The following FAAH variants were observed in gnomAD, a reference collection of about 807,000 sequenced individuals.
FAAH encodes fatty-acid amide hydrolase 1.
Under a neutral mutation model 69.7 loss-of-function variants are expected in FAAH, and 63 were observed. The ratio of observed to expected loss-of-function variants is 0.90; its 90% CI spans 0.74 to 1.12. The LOEUF (loss-of-function observed/expected upper bound fraction) is 1.12. Among genes scored for constraint, FAAH ranks in the 50% most tolerant of loss-of-function variants. The pLI is 0.00. For missense variants in FAAH, 680 were observed against 755.0 expected (o/e 0.90, Z 1.16); for synonymous variants, 305 against 324.2 (o/e 0.94, Z 0.64).
At position 46,406,055 on chromosome 1, in the gene FAAH, G is replaced by A. The variant is rs776618353; in HGVS notation, c.803G>A (p.Gly268Asp). Residue 268 changes from glycine to aspartate, a missense_variant, in exon 6 of 15, where the codon GGC (glycine) becomes GAC (aspartate). Physicochemically the swap from Gly to Asp is moderately conservative, Grantham distance 94 (BLOSUM62 -1). Transcript: ENST00000243167. ...TTATCCAGCAAGAGTGGCCTGAAGG[G>A]CTGTGTCTATGGACAGGAGGCAGGT... The part of the protein sequence containing the change: ...GNRLSKSGLK[G>D]CVYGQEAVRL... 2.5e-6 allele frequency: 4 copies of A among 1,614,096 alleles called. No homozygotes were observed. In the African/African-American group the frequency reaches 4.0e-5, roughly 16 times the overall value.
rs1569824912 is a variant in FAAH at position 46,411,308 on chromosome 1, C to A, written c.1317-304C>A. Reference sequence around the variant, plus strand: ...TGACGTCCCATGGACTCACTCCTTCCCTTACCACCAGGCTTCAGGACTGGC... The same window carrying A: ...TGACGTCCCATGGACTCACTCCTTCACTTACCACCAGGCTTCAGGACTGGC... On this transcript the variant is annotated intron_variant, in intron 11 of 14. Coordinates refer to ENST00000243167, the MANE Select transcript of FAAH (RefSeq NM_001441.3). This position sits in a 1 kb window ranked among gnomAD's most constrained non-coding sequence, Gnocchi z 4.8. Among the ~76,000 whole-genome samples the A allele has an allele frequency of 6.6e-6, 1 of 152,330 alleles. No homozygotes were observed. The highest frequency in any genetic ancestry group is 1.9e-4 in the East Asian group (1 of 5,182).
Position 46,410,794 on chromosome 1 carries a change from C to T in FAAH, c.1276-20C>T. ...CGTGGCCCAGAGCTGAGTCACCGAC[C>T]CTGCGTCTGTCCTGTGCAGCTGCCA... On this transcript the variant is annotated intron_variant, in intron 10 of 14. Transcript: ENST00000243167. The surrounding 1 kb of genome is among the most constrained non-coding windows in gnomAD (Gnocchi z 4.9). The T allele has an allele frequency of 6.2e-7, 1 of 1,614,154 alleles. No individual in the cohort carries two copies. Among genetic ancestry groups the T allele is most frequent in the South Asian group, 1.1e-5 (1 of 91,076 alleles).
At chr1:46,403,642 C>A (rs1664742711) in intron 2 of FAAH, among the ~76,000 whole-genome samples, 1 of 152,244 alleles carries the variant, frequency 6.6e-6, no homozygotes, top group South Asian at 2.1e-4. Flanking sequence ...ACCTGGAAGG[C>A]TGTTTCCCTC....
At position 46,399,487 on chromosome 1, in the gene FAAH, T is replaced by C. The variant is rs372129914; in HGVS notation, c.196-2604T>C. Reference sequence around the variant, plus strand: ...CATTAACTGTCAACAGGCAAGAACATAGGAAAGAATGAAAATGTGTGCTGA... The same window carrying C: ...CATTAACTGTCAACAGGCAAGAACACAGGAAAGAATGAAAATGTGTGCTGA... On this transcript the variant is annotated intron_variant, in intron 1 of 14. Transcript: ENST00000243167. 3.6e-4 allele frequency among the ~76,000 whole-genome samples: 55 copies of C among 152,214 alleles called. 1 individual carries two copies. In the East Asian group the frequency reaches 4.4e-3, roughly 12 times the overall value.
chr1:46,399,203 A>G (rs1433428611), intron 1 of FAAH, among the ~76,000 whole-genome samples: 3 of 152,228 alleles, frequency 2.0e-5, no homozygotes, highest in African/African-American at 7.2e-5. Flanking sequence ...AGAAGGAGAA[A>G]ACAAAACAGA....
In FAAH at chr1:46,413,447, G is replaced by A; in HGVS notation, c.1612G>A (p.Gly538Ser). The A allele has an allele frequency of 3.7e-6, 6 of 1,614,116 alleles. No individual in the cohort carries two copies. The highest frequency in any genetic ancestry group is 5.1e-6 in the Non-Finnish European group (6 of 1,180,002). ...ATCCTGATGCCTGTATCCCCTATAG[G>A]GCATGAAGAAGAGTGTGGGGCTGCC... ...GDIWDKMLQK[G>S]MKKSVGLPVA... The change falls in exon 15 of 15, where the codon GGC (glycine) becomes AGC (serine). Residue 538 changes from glycine (G) to serine (S), a missense_variant and splice_region_variant. Coordinates refer to ENST00000243167, the MANE Select transcript of FAAH (RefSeq NM_001441.3).
chr1:46,407,565 G>C (rs185872810), intron 7 of FAAH, among the ~76,000 whole-genome samples: 13 of 152,048 alleles, frequency 8.5e-5, no homozygotes, highest in African/African-American at 2.9e-4. Context: ...TTGCTCTCTT[G>C]AGTGTTCTGG....
In FAAH at chr1:46,411,394, G is replaced by C. The variant is rs1199925670; in HGVS notation, c.1317-218G>C. Reference sequence around the variant, plus strand: ...GAGGAATCGGGCCTGGGCTAGTCCTGGCTCTGCTGTGGAGTCACCAAGTGC... The same window carrying C: ...GAGGAATCGGGCCTGGGCTAGTCCTCGCTCTGCTGTGGAGTCACCAAGTGC... On this transcript the variant is annotated intron_variant, in intron 11 of 14. Transcript: ENST00000243167. The surrounding 1 kb of genome is among the most constrained non-coding windows in gnomAD (Gnocchi z 4.8). 1.3e-5 allele frequency among the ~76,000 whole-genome samples: 2 copies of C among 152,220 alleles called. No individual in the cohort carries two copies. The highest frequency in any genetic ancestry group is 2.9e-5 in the Non-Finnish European group (2 of 68,046).
chr1:46,408,695 G>A (rs1281225487), intron 8 of FAAH, 111 bp downstream of exon 8: 38 of 1,548,036 alleles, frequency 2.5e-5, no homozygotes, highest in Non-Finnish European at 3.2e-5. Context: ...CGATGTTGTC[G>A]TCGGGGTGAA....
chr1:46,403,070 G>A (rs1395153277), intron 2 of FAAH, among the ~76,000 whole-genome samples: 2 of 152,056 alleles, frequency 1.3e-5, no homozygotes, highest in Non-Finnish European at 2.9e-5. Context: ...CTGACCTCAG[G>A]TGATCCACCC....
chr1:46,406,860 C>A (rs1300605380), intron 7 of FAAH, among the ~76,000 whole-genome samples: 1 of 151,976 alleles, frequency 6.6e-6, no homozygotes, highest in African/African-American at 2.4e-5. Flanking sequence ...CCCGCCTCGG[C>A]CTCCCAAAGT....
intron 1 of FAAH, among the ~76,000 whole-genome samples, chr1:46,394,997 T>C (rs1664572479): frequency 6.6e-6 from 1 of 152,128 alleles, no homozygotes; most frequent in Admixed American, 6.5e-5. Context: ...AAGAGTGCAG[T>C]GGTGCGATCT....
At chr1:46,413,388 G>A (rs780894799) in intron 14 of FAAH, 59 bp from the exon 15 acceptor site, 36 of 1,613,098 alleles carry the variant, frequency 2.2e-5, no homozygotes, top group Non-Finnish European at 3.0e-5. Context: ...TGCTTCCTGG[G>A]CCTGGGGGTG....
At position 46,406,301 on chromosome 1, in the gene FAAH, G is replaced by C; in HGVS notation, c.884G>C (p.Arg295Pro). ...RDVESLALCL[R>P]ALLCEDMFRL... is the part of the protein sequence containing the mutation. ...GTGGAGAGCCTGGCACTGTGCCTGC[G>C]AGCCCTGCTGTGTGAGGACATGTTC... is the stretch of plus-strand genomic sequence containing the variant. The change falls in exon 7 of 15, where the codon CGA (arginine) becomes CCA (proline). Residue 295 changes from arginine (R) to proline (P), a missense_variant. Coordinates refer to ENST00000243167, the MANE Select transcript of FAAH (RefSeq NM_001441.3). 6.2e-7 allele frequency: 1 copy of C among 1,613,828 alleles called. No individual in the cohort carries two copies. Among genetic ancestry groups the C allele is most frequent in the Non-Finnish European group, 8.5e-7 (1 of 1,179,838 alleles).
rs375870704 is a variant in FAAH, at chr1:46,406,827, G to C, written c.951+459G>C. 1.4e-3 allele frequency among the ~76,000 whole-genome samples: 219 copies of C among 151,610 alleles called. 2 individuals are homozygous for C. The Middle Eastern group carries it at 0.028, about 19-fold the overall frequency. On this transcript the variant is annotated intron_variant, in intron 7 of 14. Transcript: ENST00000243167. ...TTCACCGTGTTATCCAGGATGGTCT[G>C]GATCTCCTGACCTCGTGATCCGCCC... is the stretch of plus-strand genomic sequence containing the variant.
At position 46,402,141 on chromosome 1, in the gene FAAH, G is replaced by T; in HGVS notation, c.246G>T (p.Leu82=). ...TGCTAGCCCTGCCCCTGCCTCAGCT[G>T]GTGCAGAAGTTACACAGTAGAGAGC... ...EALLALPLPQ[L]VQKLHSRELA... Residue 82 remains leucine, a synonymous_variant, in exon 2 of 15, where the codon CTG becomes CTT. Transcript: ENST00000243167. 1 of 1,610,650 alleles carries T rather than the reference G, an allele frequency of 6.2e-7. No homozygotes were observed. The highest frequency in any genetic ancestry group is 1.3e-5 in the African/African-American group (1 of 75,022).
At chr1:46,403,489 C>G (rs1020055081) in intron 2 of FAAH, among the ~76,000 whole-genome samples, 1 of 152,252 alleles carries the variant, frequency 6.6e-6, no homozygotes, top group African/African-American at 2.4e-5. Context: ...CAAGCACCAG[C>G]CTCCTGGTCA....
chr1:46,410,075 GC>G lies in FAAH; in HGVS notation c.1176-322del. 3.5e-6 allele frequency: 1 copy of G among 283,108 alleles called. No individual in the cohort carries two copies. The highest frequency in any genetic ancestry group is 4.5e-5 in the South Asian group (1 of 22,044). The allele number at this position is 283,108 out of a possible 1,614,324, so 17.5% of individuals were successfully genotyped here. On this transcript the variant is annotated intron_variant, in intron 9 of 14. Transcript: ENST00000243167. This position sits in a 1 kb window ranked among gnomAD's most constrained non-coding sequence, Gnocchi z 4.9. ...TCGATTTCCCCACCTGTGCCTCCAG[GC>G]TGTACCTCCCTAAGGGGAGGTACCC...
intron 9 of FAAH, 102 bp downstream of exon 9, chr1:46,409,300 C>T: frequency 1.1e-6 from 1 of 894,194 alleles, no homozygotes; most frequent in Non-Finnish European, 1.9e-6. Flanking sequence ...TTAGCTGAAT[C>T]CAACAAAGGC....
Sources: gnomAD v4.1 joint callset for allele counts (sites outside exome capture counted in the v4.1 genomes callset) on GRCh38, gnomAD v4.1.1 for gene constraint, Gnocchi (gnomAD v3.1) non-coding constraint, MANE v1.5 for transcripts, NCBI Gene and HGNC (gene_info 2026-07-23, HGNC 2026-07-21) for gene names.